The following TEKT5 variants were observed in gnomAD, a reference collection of about 807,000 sequenced individuals.
TEKT5 encodes the protein tektin-5.
In TEKT5, 52 loss-of-function variants were observed where a neutral mutation model predicts 48.7. That is an observed-to-expected ratio of 1.07 (90% CI 0.86 to 1.35). The LOEUF is 1.35. Ranked by LOEUF, TEKT5 falls within the 40% of genes most tolerant of loss-of-function variation. TEKT5 has a pLI of 0.00. For synonymous variants in TEKT5, 318 were observed against 267.6 expected (o/e 1.19, Z -1.84); for missense variants, 831 against 641.6 (o/e 1.30, Z -3.19).
At chr16:10,631,899 TGTC>T (rs1280357206) in intron 6 of TEKT5, among the ~76,000 whole-genome samples, 1 of 152,208 alleles carries the variant, frequency 6.6e-6, no homozygotes, top group Non-Finnish European at 1.5e-5. Flanking sequence ...AAACTTCTGT[TGTC>T]TGTAGCCACC....
At chr16:10,646,490 C>G (rs780338816) in intron 5 of TEKT5, among the ~76,000 whole-genome samples, 6 of 152,146 alleles carry the variant, frequency 3.9e-5, no homozygotes, top group Admixed American at 1.3e-4. Context: ...GCTTTTTTTC[C>G]TTTCTCATAA....
intron 5 of TEKT5, among the ~76,000 whole-genome samples, chr16:10,652,615 C>G (rs1297164218): frequency 9.9e-6 from 1 of 100,708 alleles, no homozygotes; most frequent in Admixed American, 9.8e-5. Flanking sequence ...CACACACACA[C>G]ACACACACAC....
intron 6 of TEKT5, among the ~76,000 whole-genome samples, chr16:10,634,915 C>T (rs1897891987): frequency 6.6e-6 from 1 of 152,162 alleles, no homozygotes; most frequent in African/African-American, 2.4e-5. Flanking sequence ...GCGGAAGACC[C>T]TGACATGTAC....
intron 5 of TEKT5, among the ~76,000 whole-genome samples, chr16:10,648,549 C>G (rs2142271398): frequency 6.6e-6 from 1 of 152,292 alleles, no homozygotes; most frequent in South Asian, 2.1e-4. Context: ...CCAGGCTGGT[C>G]TCGAACTCCC....
At chr16:10,678,581 A>G (rs567104595) in intron 4 of TEKT5, among the ~76,000 whole-genome samples, 128 of 152,300 alleles carry the variant, frequency 8.4e-4, no homozygotes, top group Admixed American at 1.4e-3. Flanking sequence ...CATCCAACCA[A>G]GACCTGAGGC....
chr16:10,646,134 C>CAA (rs771452656), intron 5 of TEKT5, among the ~76,000 whole-genome samples: 8 of 136,056 alleles, frequency 5.9e-5, no homozygotes, highest in African/African-American at 1.3e-4. Flanking sequence ...GACTCTGTCT[C>CAA]AAAAAAAAAA....
At chr16:10,655,965 C>T (rs1268305202) in intron 5 of TEKT5, among the ~76,000 whole-genome samples, 2 of 152,172 alleles carry the variant, frequency 1.3e-5, no homozygotes, top group African/African-American at 4.8e-5. Flanking sequence ...TGAACCTAAT[C>T]CCAAATGAGT....
At chr16:10,652,836 GACACACACACACAC>G (rs572998899) in intron 5 of TEKT5, among the ~76,000 whole-genome samples, 1 of 19,662 alleles carries the variant, frequency 5.1e-5, no homozygotes, top group Non-Finnish European at 8.9e-5. Flanking sequence ...TACACAGGCA[GACACACACACACAC>G]ACACACACAC....
At chr16:10,674,263 T>TCA (rs1751208360) in intron 5 of TEKT5, among the ~76,000 whole-genome samples, 6 of 152,034 alleles carry the variant, frequency 3.9e-5, no homozygotes, top group Admixed American at 3.3e-4. Flanking sequence ...CTCCACCCAG[T>TCA]GTGGGTCCCA....
intron 5 of TEKT5, among the ~76,000 whole-genome samples, chr16:10,663,900 G>C (rs1489885265): frequency 6.6e-6 from 1 of 152,240 alleles, no homozygotes; most frequent in East Asian, 1.9e-4. Context: ...TTTCTCTCAA[G>C]TGGTAGCCCA....
chr16:10,629,631 G>C (rs1017284455), intron 6 of TEKT5, among the ~76,000 whole-genome samples: 1 of 152,152 alleles, frequency 6.6e-6, no homozygotes, highest in Non-Finnish European at 1.5e-5. Context: ...TACTGGCCAG[G>C]GCACCATCCC....
At chr16:10,647,028 C>T (rs1898080300) in intron 5 of TEKT5, among the ~76,000 whole-genome samples, 1 of 152,134 alleles carries the variant, frequency 6.6e-6, no homozygotes, top group South Asian at 2.1e-4. Context: ...AAAATAAAGC[C>T]TTATATAGAT....
intron 5 of TEKT5, among the ~76,000 whole-genome samples, chr16:10,657,937 C>A (rs1898291016): frequency 6.6e-6 from 1 of 152,030 alleles, no homozygotes. Flanking sequence ...TATTGAGATA[C>A]AATTTACCAC....
At chr16:10,662,266 G>A (rs534356251) in intron 5 of TEKT5, among the ~76,000 whole-genome samples, 2 of 152,302 alleles carry the variant, frequency 1.3e-5, no homozygotes, top group East Asian at 1.9e-4. Flanking sequence ...TGGGGGAAAT[G>A]GGGGCAAAAT....
chr16:10,672,579 G>C (rs1272996038), intron 5 of TEKT5, among the ~76,000 whole-genome samples: 1 of 152,192 alleles, frequency 6.6e-6, no homozygotes, highest in Admixed American at 6.5e-5. Flanking sequence ...CTGGGTTACA[G>C]AGCGAGACTG....
intron 5 of TEKT5, among the ~76,000 whole-genome samples, chr16:10,646,142 A>G (rs1473780968): frequency 1.3e-5 from 2 of 152,262 alleles, no homozygotes; most frequent in Non-Finnish European, 1.5e-5. Flanking sequence ...CTCAAAAAAA[A>G]AAAAAAATTT....
At chr16:10,634,115 C>G (rs1346146259) in intron 6 of TEKT5, among the ~76,000 whole-genome samples, 1 of 152,206 alleles carries the variant, frequency 6.6e-6, no homozygotes, top group Non-Finnish European at 1.5e-5. Flanking sequence ...CAGTGAAGCC[C>G]TGGCTTAGTG....
At chr16:10,684,820 G>A (rs1030187190) in intron 3 of TEKT5, among the ~76,000 whole-genome samples, 1 of 152,172 alleles carries the variant, frequency 6.6e-6, no homozygotes, top group Non-Finnish European at 1.5e-5. Context: ...ACCAGGAAAA[G>A]ACCAAACGTG....
chr16:10,673,181 G>A (rs1020241040), intron 5 of TEKT5, among the ~76,000 whole-genome samples: 1 of 152,220 alleles, frequency 6.6e-6, no homozygotes, highest in Admixed American at 6.5e-5. Context: ...GAGATGGTGA[G>A]TGCAAATAAA....
Sources: allele counts gnomAD v4.1 joint callset (sites outside exome capture counted in the v4.1 genomes callset), GRCh38; gene constraint gnomAD v4.1.1; transcripts MANE v1.5; gene names NCBI Gene and HGNC (gene_info 2026-07-23, HGNC 2026-07-21).